The following TXNDC5 variants were observed in gnomAD, a reference collection of about 807,000 sequenced individuals.
TXNDC5 encodes the protein thioredoxin domain containing 5.
TXNDC5 carries 44 observed loss-of-function variants against 52.6 expected under a neutral mutation model. That is an observed-to-expected ratio of 0.84 (90% confidence interval 0.66 to 1.08). The LOEUF (loss-of-function observed/expected upper bound fraction) is 1.08. Among genes scored for constraint, TXNDC5 ranks in the 50% least tolerant of loss-of-function variants. The pLI is 0.00. For synonymous variants in TXNDC5, 241 were observed against 234.4 expected (o/e 1.03, Z -0.26); for missense variants, 600 against 565.5 (o/e 1.06, Z -0.62).
At chr6:7,899,212 T>TTG (rs1461767510) in intron 3 of TXNDC5, among the ~76,000 whole-genome samples, 1 of 152,122 alleles carries the variant, frequency 6.6e-6, no homozygotes, top group Admixed American at 6.5e-5. Flanking sequence ...GTGGCAGTGT[T>TTG]AACAAAGAGT....
rs1178072915 is a variant in TXNDC5 at position 7,884,347 on chromosome 6, C to G, written c.1176+12G>C. ...ACTGAGAGCTCCCATAAGCATCCAT[C>G]CAAGTACCCACCGAATACTTGCTGC... On this transcript the variant is annotated intron_variant, in intron 9 of 9. Transcript: ENST00000379757. 17 of 1,613,830 alleles carry G rather than the reference C, an allele frequency of 1.1e-5. No individual in the cohort carries two copies. Among genetic ancestry groups the G allele is most frequent in the Non-Finnish European group, 1.4e-5 (17 of 1,179,922 alleles).
intron 6 of TXNDC5, 134 bp from the exon 7 acceptor site, chr6:7,888,982 A>G: frequency 2.6e-6 from 3 of 1,170,608 alleles, no homozygotes; most frequent in Non-Finnish European, 3.5e-6. Context: ...CTGCATGTTC[A>G]TATTTAGACG....
intron 1 of TXNDC5, among the ~76,000 whole-genome samples, chr6:7,906,551 A>G (rs916422324): frequency 4.0e-5 from 6 of 150,228 alleles, no homozygotes; most frequent in Non-Finnish European, 8.9e-5. Flanking sequence ...AAAAAAAAAA[A>G]AAAAAAGAAA....
intron 1 of TXNDC5, chr6:7,909,908 G>C: frequency 1.0e-6 from 1 of 986,118 alleles, no homozygotes; most frequent in Non-Finnish European, 1.2e-6. Context: ...CAGCAAGGCC[G>C]CTCTGGTGAG....
chr6:7,901,539 AG>A (rs1166433334), intron 2 of TXNDC5, among the ~76,000 whole-genome samples: 1 of 152,240 alleles, frequency 6.6e-6, no homozygotes, highest in Non-Finnish European at 1.5e-5. Flanking sequence ...TAACCTGCCC[AG>A]GAAGTCTGAG....
intron 1 of TXNDC5, 83 bp downstream of exon 1, chr6:7,910,431 G>C: frequency 1.6e-6 from 2 of 1,245,304 alleles, no homozygotes; most frequent in Non-Finnish European, 2.0e-6. Flanking sequence ...GTGGCCCCGG[G>C]ACCCCCCGCC....
rs927154610 is a variant in TXNDC5 at position 7,902,496 on chromosome 6, T to C, written c.413+2078A>G. ...GAAAGCTCATGTCCTGACACATGCCTGGACTCAGGCAGGTACAGTCGTCAC... is the reference window on the plus strand; with the variant it reads ...GAAAGCTCATGTCCTGACACATGCCCGGACTCAGGCAGGTACAGTCGTCAC... On this transcript the variant is annotated intron_variant, in intron 2 of 9. Coordinates refer to ENST00000379757, the MANE Select transcript of TXNDC5 (RefSeq NM_030810.5). 2.6e-5 allele frequency among the ~76,000 whole-genome samples: 4 copies of C among 152,182 alleles called. No homozygotes were observed. In the East Asian group the frequency reaches 7.7e-4, roughly 29 times the overall value.
chr6:7,895,427 A>G (rs939636220), intron 3 of TXNDC5, among the ~76,000 whole-genome samples: 1 of 152,164 alleles, frequency 6.6e-6, no homozygotes, highest in Non-Finnish European at 1.5e-5. Flanking sequence ...CCTCACCCTC[A>G]GTGAAAGCTC....
chr6:7,890,699 A>G (rs1294794016), intron 5 of TXNDC5, among the ~76,000 whole-genome samples: 2 of 152,218 alleles, frequency 1.3e-5, no homozygotes, highest in East Asian at 3.8e-4. Context: ...GGCAACAGTG[A>G]AATATCCATT....
At chr6:7,906,561 A>C (rs1760743106) in intron 1 of TXNDC5, among the ~76,000 whole-genome samples, 1 of 150,854 alleles carries the variant, frequency 6.6e-6, no homozygotes, top group Non-Finnish European at 1.5e-5. Context: ...AAAAAAAGAA[A>C]AACAGACTTA....
At chr6:7,897,475 CTT>C (rs1241760704) in intron 3 of TXNDC5, among the ~76,000 whole-genome samples, 1 of 152,186 alleles carries the variant, frequency 6.6e-6, no homozygotes, top group East Asian at 1.9e-4. Flanking sequence ...TATACTTAAA[CTT>C]TTCCACAATA....
chr6:7,884,274 A>C (rs1271156763), intron 9 of TXNDC5, 85 bp downstream of exon 9: 1 of 1,554,214 alleles, frequency 6.4e-7, no homozygotes, highest in Non-Finnish European at 8.8e-7. Flanking sequence ...ATGAGAGCAG[A>C]GTGAGTTATC....
At position 7,910,510 on chromosome 6, in the gene TXNDC5, T is replaced by C. The variant is rs1760883524; in HGVS notation, c.263+4A>G. 2.1e-6 allele frequency: 3 copies of C among 1,431,906 alleles called. No individual in the cohort carries two copies. The highest frequency in any genetic ancestry group is 3.5e-5 in the East Asian group (1 of 28,672). The allele number at this position is 1,431,906 out of a possible 1,614,324, so 88.7% of individuals were successfully genotyped here. On this transcript the variant is annotated splice_donor_region_variant and intron_variant, in intron 1 of 9. Coordinates refer to ENST00000379757, the MANE Select transcript of TXNDC5 (RefSeq NM_030810.5). ...GGGCAGGGCGCCGGCCTGCGCGGCGTTACCAGGGCGCGAAGAACATGACGA... is the reference window on the plus strand; with the variant it reads ...GGGCAGGGCGCCGGCCTGCGCGGCGCTACCAGGGCGCGAAGAACATGACGA...
chr6:7,907,499 T>A (rs1760775995), intron 1 of TXNDC5, among the ~76,000 whole-genome samples: 1 of 152,182 alleles, frequency 6.6e-6, no homozygotes, highest in African/African-American at 2.4e-5. Context: ...GCAAAAAATC[T>A]ACAGCAGCAG....
chr6:7,909,910 T>C, intron 1 of TXNDC5: 1 of 986,046 alleles, frequency 1.0e-6, no homozygotes, highest in East Asian at 1.1e-4. Flanking sequence ...GCAAGGCCGC[T>C]CTGGTGAGTG....
chr6:7,903,098 A>G (rs1760621092), intron 2 of TXNDC5, among the ~76,000 whole-genome samples: 1 of 152,280 alleles, frequency 6.6e-6, no homozygotes, highest in East Asian at 1.9e-4. Flanking sequence ...GTTAAGAGGA[A>G]AGACACCACA....
intron 7 of TXNDC5, 41 bp downstream of exon 7, chr6:7,888,663 CA>C (rs1760085040): frequency 6.4e-7 from 1 of 1,574,206 alleles, no homozygotes; most frequent in South Asian, 1.2e-5. Context: ...GGCCGGGGGC[CA>C]CGGGCCACTT....
At chr6:7,906,548 A>AC (rs1760738675) in intron 1 of TXNDC5, among the ~76,000 whole-genome samples, 7 of 150,356 alleles carry the variant, frequency 4.7e-5, no homozygotes, top group African/African-American at 1.5e-4. Flanking sequence ...AAAAAAAAAA[A>AC]AAAAAAAAAG....
chr6:7,884,554 G>A, intron 8 of TXNDC5, 66 bp from the exon 9 acceptor site: 2 of 1,603,620 alleles, frequency 1.2e-6, no homozygotes, highest in Non-Finnish European at 1.7e-6. Flanking sequence ...ACACTCTGCT[G>A]CCAAGACAAG....
Sources: gnomAD v4.1 joint callset for allele counts (sites outside exome capture counted in the v4.1 genomes callset) on GRCh38, gnomAD v4.1.1 for gene constraint, MANE v1.5 for transcripts, NCBI Gene and HGNC (gene_info 2026-07-23, HGNC 2026-07-21) for gene names.